The following PAK4 variants were observed in gnomAD, a reference collection of about 807,000 sequenced individuals.
PAK4 encodes the protein serine/threonine-protein kinase PAK 4.
In PAK4, 49 loss-of-function variants were observed where a neutral mutation model predicts 53.5. That is an observed-to-expected ratio of 0.92 (90% CI 0.73 to 1.16). The LOEUF is 1.16. Ranked by LOEUF, PAK4 falls within the 50% of genes most tolerant of loss-of-function variation. The probability of loss-of-function intolerance (pLI) is 0.00; values close to 1 mark genes in which losing one functional copy is unlikely to be tolerated. For synonymous variants in PAK4, 376 were observed against 375.6 expected, an observed-to-expected ratio of 1.00 and a Z score of -0.01; for missense variants, 824 against 850.7, an observed-to-expected ratio of 0.97 and a Z score of 0.39.
chr19:39,138,901 C>G (rs2073864646), intron 1 of PAK4, among the ~76,000 whole-genome samples: 1 of 152,216 alleles, frequency 6.6e-6, no homozygotes, highest in Middle Eastern at 3.2e-3. Flanking sequence ...CAGCCCTACT[C>G]TGGGGGGCTG....
At chr19:39,157,722 G>T (rs1206363525) in intron 1 of PAK4, among the ~76,000 whole-genome samples, 2 of 152,264 alleles carry the variant, frequency 1.3e-5, no homozygotes, top group African/African-American at 2.4e-5. Context: ...TGTACGGGCC[G>T]CCGCGAGGTG....
chr19:39,140,010 G>C (rs1014336785), intron 1 of PAK4, among the ~76,000 whole-genome samples: 3 of 152,210 alleles, frequency 2.0e-5, no homozygotes, highest in Non-Finnish European at 2.9e-5. Context: ...CTGTGTTCCA[G>C]ATAAGGCAAC....
At chr19:39,155,275 A>C (rs750306751) in intron 1 of PAK4, among the ~76,000 whole-genome samples, 6 of 152,104 alleles carry the variant, frequency 3.9e-5, no homozygotes, top group Non-Finnish European at 7.4e-5. Context: ...TTCAGTGCTG[A>C]ACTATCAGGG....
At chr19:39,149,746 C>T (rs966397121) in intron 1 of PAK4, among the ~76,000 whole-genome samples, 4 of 152,068 alleles carry the variant, frequency 2.6e-5, no homozygotes, top group Admixed American at 2.6e-4. Context: ...GTCCCAGCTA[C>T]ATGGAAGGCT....
At chr19:39,162,340 C>T (rs867669881) in intron 1 of PAK4, among the ~76,000 whole-genome samples, 3 of 152,120 alleles carry the variant, frequency 2.0e-5, no homozygotes, top group East Asian at 1.9e-4. Context: ...ACTGCAGCCT[C>T]GACCTCCCAG....
intron 1 of PAK4, among the ~76,000 whole-genome samples, chr19:39,128,662 G>A (rs966531658): frequency 1.3e-5 from 2 of 152,196 alleles, no homozygotes; most frequent in African/African-American, 2.4e-5. Flanking sequence ...GCCATCGTCT[G>A]GCCTGGGACA....
At chr19:39,174,948 C>A in exon 5 of PAK4, 1 of 1,613,842 alleles carries the variant, frequency 6.2e-7, no homozygotes, top group Non-Finnish European at 8.5e-7. Context: ...TCATGAGGGA[C>A]TACCAGCACG....
At chr19:39,163,457 C>A (rs964388382) in intron 1 of PAK4, among the ~76,000 whole-genome samples, 1 of 151,850 alleles carries the variant, frequency 6.6e-6, no homozygotes, top group Non-Finnish European at 1.5e-5. Context: ...AGCTTTGTCG[C>A]ACGGTGGATC....
chr19:39,157,218 T>C (rs2074200246), intron 1 of PAK4, among the ~76,000 whole-genome samples: 1 of 150,502 alleles, frequency 6.6e-6, no homozygotes, highest in Admixed American at 6.6e-5. Flanking sequence ...GGTTTTGGGG[T>C]CGGGGGGGTG....
intron 1 of PAK4, among the ~76,000 whole-genome samples, chr19:39,157,126 T>C (rs1414717296): frequency 6.6e-6 from 1 of 152,018 alleles, no homozygotes; most frequent in African/African-American, 2.4e-5. Flanking sequence ...CGTGAGACTG[T>C]GCCTCACTCA....
chr19:39,139,325 A>C (rs2073872898), intron 1 of PAK4, among the ~76,000 whole-genome samples: 1 of 152,176 alleles, frequency 6.6e-6, no homozygotes, highest in Non-Finnish European at 1.5e-5. Flanking sequence ...GACACTGAGA[A>C]GTACACTGAG....
chr19:39,170,404 G>A (rs963792767), intron 2 of PAK4, among the ~76,000 whole-genome samples: 5 of 152,158 alleles, frequency 3.3e-5, no homozygotes, highest in Admixed American at 3.3e-4. Context: ...GGCAAGGTTG[G>A]GATTTGAACC....
Position 39,176,577 on chromosome 19 carries a change from T to C in PAK4, c.1360-13T>C. ...CCAGCTCCTCTGACCCCACTGCCTCTGCCCTGTCCCAGGTGAAGCTGTCAG... is the reference window on the plus strand; with the variant it reads ...CCAGCTCCTCTGACCCCACTGCCTCCGCCCTGTCCCAGGTGAAGCTGTCAG... On this transcript the variant is annotated splice_polypyrimidine_tract_variant and intron_variant, in intron 6 of 8. Coordinates refer to ENST00000358301, the Ensembl canonical transcript of PAK4. The C allele has an allele frequency of 1.2e-6, 2 of 1,613,606 alleles. No homozygotes were observed. The highest frequency in any genetic ancestry group is 2.2e-5 in the South Asian group (2 of 91,082).
chr19:39,130,105 G>A (rs2073672549), intron 1 of PAK4, among the ~76,000 whole-genome samples: 1 of 147,356 alleles, frequency 6.8e-6, no homozygotes, highest in Non-Finnish European at 1.5e-5. Flanking sequence ...GGGGACCCAG[G>A]CAGAAGGGTC....
chr19:39,159,318 T>C (rs2074245722), intron 1 of PAK4, among the ~76,000 whole-genome samples: 1 of 152,092 alleles, frequency 6.6e-6, no homozygotes, highest in East Asian at 1.9e-4. Flanking sequence ...GGAGACATAC[T>C]AATTAAGGAC....
intron 1 of PAK4, among the ~76,000 whole-genome samples, chr19:39,139,479 G>A (rs2073875428): frequency 1.3e-5 from 2 of 152,172 alleles, no homozygotes; most frequent in Admixed American, 1.3e-4. Context: ...ACACCTCATG[G>A]GAGTTTGCGA....
intron 4 of PAK4, among the ~76,000 whole-genome samples, chr19:39,174,598 C>T (rs1442525839): frequency 6.6e-6 from 1 of 152,118 alleles, no homozygotes; most frequent in Non-Finnish European, 1.5e-5. Flanking sequence ...CCTCATCCTC[C>T]CGCCGACACA....
intron 1 of PAK4, among the ~76,000 whole-genome samples, chr19:39,154,650 T>A (rs2074146616): frequency 6.6e-6 from 1 of 152,156 alleles, no homozygotes; most frequent in South Asian, 2.1e-4. Context: ...CCAGTGCAGC[T>A]CCCTCTCCGT....
chr19:39,178,426 G>A lies in PAK4; in HGVS notation c.1623G>A (p.Val541=). Residue 541 remains valine, a splice_region_variant and synonymous_variant, in exon 9 of 9, where the codon GTG becomes GTA. Transcript: ENST00000358301. The surrounding 1 kb of genome is among the most constrained non-coding windows in gnomAD (Gnocchi z 4.4). ...GACCCTCCCCTCCTTCTCGACAGGT[G>A]TCGCCATCCCTGAAGGGCTTCCTGG... 1 of 1,584,782 alleles carries A rather than the reference G, an allele frequency of 6.3e-7. No homozygotes were observed. The highest frequency in any genetic ancestry group is 8.6e-7 in the Non-Finnish European group (1 of 1,166,318).
Sources: gnomAD v4.1 joint callset for allele counts (sites outside exome capture counted in the v4.1 genomes callset) on GRCh38, gnomAD v4.1.1 for gene constraint, Gnocchi (gnomAD v3.1) non-coding constraint, MANE v1.5 for transcripts, NCBI Gene and HGNC (gene_info 2026-07-23, HGNC 2026-07-21) for gene names.